The following DOT1L variants were observed in gnomAD, a reference collection of about 807,000 sequenced individuals.
DOT1L encodes the protein histone-lysine N-methyltransferase, H3 lysine-79 specific.
A neutral mutation model predicts 153.3 loss-of-function variants in DOT1L; 33 were observed. The observed-to-expected ratio is 0.22, with a 90% CI of 0.16 to 0.29. DOT1L has a LOEUF of 0.29. Among genes scored for constraint, DOT1L ranks in the 10% least tolerant of loss-of-function variants. The pLI, the probability that DOT1L is intolerant of heterozygous loss-of-function variation, is 1.00. For missense variants in DOT1L, 1,847 were observed against 2,119.9 expected, an observed-to-expected ratio of 0.87 and a Z score of 2.53; for synonymous variants, 1,135 against 965.1, an observed-to-expected ratio of 1.18 and a Z score of -3.26.
rs1439634023 is a variant in DOT1L at position 2,230,376 on chromosome 19, C to T, written c.*584C>T. ...GCCCTGGCGCCTGCCCTGAGCTCTT[C>T]ACCTTTACCCCGGCACTGTGAACCC... On this transcript the variant is annotated 3_prime_UTR_variant, in exon 28 of 28. Coordinates refer to ENST00000398665, the MANE Select transcript of DOT1L (RefSeq NM_032482.3). 9.8e-6 allele frequency: 4 copies of T among 407,812 alleles called. No homozygotes were observed. Among genetic ancestry groups the T allele is most frequent in the African/African-American group, 8.2e-5 (4 of 48,682 alleles). The allele number at this position is 407,812 out of a possible 1,614,324, so 25.3% of individuals were successfully genotyped here. A position where few individuals can be genotyped will look rare whatever the true frequency, so the allele number is the denominator to read the frequency against.
rs1048593373 is a variant in DOT1L, at chr19:2,183,439, G to T, written c.126-2416G>T. Among the ~76,000 whole-genome samples the T allele has an allele frequency of 7.9e-5, 12 of 152,164 alleles. No homozygotes were observed. The South Asian group carries it at 1.0e-3, about 13-fold the overall frequency. On this transcript the variant is annotated intron_variant, in intron 2 of 27. Transcript: ENST00000398665. Reference sequence around the variant, plus strand: ...ACCCGCCTCGGCCTCCCGAAGTGTGGGGAGGGCTGTTGTTTAAAGATGATT... The same window carrying T: ...ACCCGCCTCGGCCTCCCGAAGTGTGTGGAGGGCTGTTGTTTAAAGATGATT...
chr19:2,205,227 T>C (rs62122896), intron 9 of DOT1L, among the ~76,000 whole-genome samples: 1 of 152,126 alleles, frequency 6.6e-6, no homozygotes, highest in Admixed American at 6.5e-5. Flanking sequence ...TGCCTCGGCC[T>C]CCCAAAGTGC....
At chr19:2,167,597 C>T (rs929481524) in intron 1 of DOT1L, among the ~76,000 whole-genome samples, 1 of 152,264 alleles carries the variant, frequency 6.6e-6, no homozygotes, top group Non-Finnish European at 1.5e-5. Flanking sequence ...CTGCCGGGCC[C>T]AGCATCTTCA....
chr19:2,228,582 T>G lies in DOT1L; in HGVS notation c.4607-1203T>G, dbSNP rs550748379. On this transcript the variant is annotated intron_variant, in intron 27 of 27. Coordinates refer to ENST00000398665, the MANE Select transcript of DOT1L (RefSeq NM_032482.3). ...CAGCCATGGAGTGGCCTGAGTGTGT[T>G]GGGTTCCAGCTGCCCGCAGCTGGGT... The G allele has an allele frequency of 2.3e-5, 23 of 985,084 alleles. No homozygotes were observed. In the East Asian group the frequency reaches 2.1e-3, roughly 88 times the overall value. 61.0% of individuals were successfully genotyped at this position (985,084 alleles called of 1,614,324 possible).
Position 2,199,886 on chromosome 19 carries a change from G to A in DOT1L, c.654G>A (p.Leu218=). 6.2e-7 allele frequency: 1 copy of A among 1,613,960 alleles called. No homozygotes were observed. Among genetic ancestry groups the A allele is most frequent in the Non-Finnish European group, 8.5e-7 (1 of 1,179,846 alleles). The change falls in exon 8 of 28, where the codon TTG becomes TTA. Residue 218 remains leucine, a splice_region_variant and synonymous_variant. Coordinates refer to ENST00000398665, the MANE Select transcript of DOT1L (RefSeq NM_032482.3). ...CTCACACCTGTTTTCCCTTTCAGTT[G>A]GAGAGAGGCGATTTCCTCTCAGAAG... is the stretch of plus-strand genomic sequence containing the variant. ...WYGKKHAEYT[L]ERGDFLSEEW...
intron 7 of DOT1L, among the ~76,000 whole-genome samples, chr19:2,195,621 G>A (rs919905665): frequency 2.6e-5 from 4 of 152,018 alleles, no homozygotes; most frequent in African/African-American, 7.3e-5. Context: ...CTCAGAGCCC[G>A]CAGCCCCTTG....
At chr19:2,171,768 CT>C in intron 1 of DOT1L, among the ~76,000 whole-genome samples, 1 of 152,212 alleles carries the variant, frequency 6.6e-6, no homozygotes, top group Admixed American at 6.5e-5. Context: ...CTGTGTCCCC[CT>C]GAGGGAAGGA....
At chr19:2,183,458 G>C (rs919609540) in intron 2 of DOT1L, among the ~76,000 whole-genome samples, 2 of 152,036 alleles carry the variant, frequency 1.3e-5, no homozygotes, top group African/African-American at 4.8e-5. Flanking sequence ...GTTGTTTAAA[G>C]ATGATTGGGC....
chr19:2,177,505 G>A (rs940966107), intron 1 of DOT1L, among the ~76,000 whole-genome samples: 1 of 151,962 alleles, frequency 6.6e-6, no homozygotes, highest in Non-Finnish European at 1.5e-5. Context: ...TATATTATTA[G>A]TGGTAATAAT....
intron 2 of DOT1L, among the ~76,000 whole-genome samples, chr19:2,181,146 A>T (rs2022211704): frequency 6.6e-6 from 1 of 152,166 alleles, no homozygotes; most frequent in Non-Finnish European, 1.5e-5. Flanking sequence ...CAGGAGGCGG[A>T]GGCCGTCCTG....
intron 9 of DOT1L, among the ~76,000 whole-genome samples, chr19:2,203,062 C>T (rs930374149): frequency 6.6e-6 from 1 of 152,038 alleles, no homozygotes; most frequent in African/African-American, 2.4e-5. Context: ...GCTGGGACTA[C>T]GGGTCTGTGC....
intron 1 of DOT1L, among the ~76,000 whole-genome samples, chr19:2,173,698 C>G (rs1002860132): frequency 2.8e-4 from 43 of 152,216 alleles, no homozygotes; most frequent in Non-Finnish European, 8.8e-5. Flanking sequence ...GAAGACCTCC[C>G]CCAGACCCAT....
intron 9 of DOT1L, among the ~76,000 whole-genome samples, chr19:2,203,212 G>A (rs983525702): frequency 3.3e-5 from 5 of 152,218 alleles, no homozygotes; most frequent in Non-Finnish European, 7.3e-5. Context: ...AAGCAATTCT[G>A]CCTCAGCCTC....
At chr19:2,173,033 A>T (rs1237581790) in intron 1 of DOT1L, among the ~76,000 whole-genome samples, 2 of 152,010 alleles carry the variant, frequency 1.3e-5, no homozygotes, top group Non-Finnish European at 2.9e-5. Flanking sequence ...GTTTTAGTAT[A>T]TTCACAGATT....
chr19:2,172,181 T>C (rs1176847301), intron 1 of DOT1L, among the ~76,000 whole-genome samples: 1 of 151,882 alleles, frequency 6.6e-6, no homozygotes, highest in Non-Finnish European at 1.5e-5. Context: ...CTTTTTTGTT[T>C]TCTTTTCTTT....
In DOT1L at chr19:2,232,263, GACTTAT is replaced by G; in HGVS notation, c.*2472_*2477del. 4.6e-6 allele frequency: 1 copy of G among 218,322 alleles called. No individual in the cohort carries two copies. Among genetic ancestry groups the G allele is most frequent in the Non-Finnish European group, 9.2e-6 (1 of 108,760 alleles). The allele number at this position is 218,322 out of a possible 1,614,324, so 13.5% of individuals were successfully genotyped here. On this transcript the variant is annotated 3_prime_UTR_variant, in exon 28 of 28. Transcript: ENST00000398665. ...CCTCGGCCCATGAGGCACGCACAGT[GACTTAT>G]TTAAGACTTCCCCCTTAATTTATCT...
chr19:2,209,103 G>A lies in DOT1L; in HGVS notation c.1005+127G>A, dbSNP rs578248529. On this transcript the variant is annotated intron_variant, in intron 12 of 27. Coordinates refer to ENST00000398665, the MANE Select transcript of DOT1L (RefSeq NM_032482.3). ...ACAGCCCTGCCGCCCCTCGGGGCCC[G>A]GCCCTGTGCCCTTTCCCGCCTCCTT... The A allele has an allele frequency of 3.4e-5, 36 of 1,047,122 alleles. No homozygotes were observed. In the East Asian group the frequency reaches 3.5e-4, roughly 10 times the overall value. The allele number at this position is 1,047,122 out of a possible 1,614,324, so 64.9% of individuals were successfully genotyped here. A position where few individuals can be genotyped will look rare whatever the true frequency, so the allele number is the denominator to read the frequency against.
In DOT1L at chr19:2,180,774, A is replaced by G; in HGVS notation, c.125+18A>G. 1 of 1,613,646 alleles carries G rather than the reference A, an allele frequency of 6.2e-7. No homozygotes were observed. The highest frequency in any genetic ancestry group is 1.7e-4 in the Middle Eastern group (1 of 6,050). ...ACCATCCGGTGAGTGCACGGCCTGC[A>G]GTGTGTTGTCTTCACAGCCCTGAGC... On this transcript the variant is annotated intron_variant, in intron 2 of 27. Transcript: ENST00000398665.
At chr19:2,165,255 C>G (rs932494389) in intron 1 of DOT1L, among the ~76,000 whole-genome samples, 1 of 140,580 alleles carries the variant, frequency 7.1e-6, no homozygotes, top group Non-Finnish European at 1.5e-5. Flanking sequence ...AGGGCCCGGC[C>G]GGGCATCCCC....
Sources: allele counts gnomAD v4.1 joint callset (sites outside exome capture counted in the v4.1 genomes callset), GRCh38; gene constraint gnomAD v4.1.1; transcripts MANE v1.5; gene names NCBI Gene and HGNC (gene_info 2026-07-23, HGNC 2026-07-21).